PKNOX2: variants seen among roughly 807,000 people sequenced by gnomAD.
PKNOX2 encodes PBX/knotted 1 homeobox 2.
A neutral mutation model predicts 53.1 loss-of-function variants in PKNOX2; 14 were observed. The ratio of observed to expected loss-of-function variants is 0.26; its 90% CI spans 0.17 to 0.41. PKNOX2 has a LOEUF of 0.41. PKNOX2 is among the 10% of genes least tolerant of loss of function. PKNOX2 has a pLI of 1.00. For missense variants in PKNOX2, 496 were observed against 602.8 expected (o/e 0.82, Z 1.85); for synonymous variants, 257 against 242.8 (o/e 1.06, Z -0.54).
chr11:125,343,284 C>T (rs571515901), intron 3 of PKNOX2, among the ~76,000 whole-genome samples: 15 of 152,302 alleles, frequency 9.8e-5, no homozygotes, highest in African/African-American at 3.1e-4. Context: ...CAGGACCCAC[C>T]GCAGGTCACT....
At position 125,423,368 on chromosome 11, in the gene PKNOX2, C is replaced by G. The variant is rs542738884; in HGVS notation, c.937-5644C>G. ...CCCCCTTTTTCTCTTCCACATCCTC[C>G]CTGAATATACGTTCAACAATAATTG... On this transcript the variant is annotated intron_variant, in intron 10 of 12. Transcript: ENST00000298282. Among the ~76,000 whole-genome samples, 21 of 152,232 alleles carry G rather than the reference C, an allele frequency of 1.4e-4. No individual in the cohort carries two copies. The South Asian group carries it at 4.2e-3, about 30-fold the overall frequency.
chr11:125,336,270 A>G (rs1281229931), intron 3 of PKNOX2, among the ~76,000 whole-genome samples: 1 of 152,150 alleles, frequency 6.6e-6, no homozygotes, highest in East Asian at 1.9e-4. Flanking sequence ...AGTCAACCAC[A>G]ACAGCTTCTG....
intron 1 of PKNOX2, among the ~76,000 whole-genome samples, chr11:125,189,381 ATG>A (rs1555111567): frequency 7.5e-6 from 1 of 133,730 alleles, no homozygotes; most frequent in African/African-American, 2.8e-5. Flanking sequence ...ATATATATAT[ATG>A]TGTGTATATA....
chr11:125,410,432 C>A, intron 8 of PKNOX2, 107 bp downstream of exon 8: 1 of 1,447,830 alleles, frequency 6.9e-7, no homozygotes, highest in African/African-American at 1.4e-5. Flanking sequence ...GAGGGAGGGG[C>A]TCCCAGCTCA....
intron 2 of PKNOX2, among the ~76,000 whole-genome samples, chr11:125,266,474 G>A (rs1221948440): frequency 6.6e-6 from 1 of 152,190 alleles, no homozygotes; most frequent in Non-Finnish European, 1.5e-5. Flanking sequence ...AGACAGCCCT[G>A]CTTTTCTGAA....
At chr11:125,194,370 C>T (rs138780936) in intron 1 of PKNOX2, among the ~76,000 whole-genome samples, 139 of 152,296 alleles carry the variant, frequency 9.1e-4, no homozygotes, top group Middle Eastern at 3.4e-3. Flanking sequence ...GATAACACAG[C>T]GAGTCTTTTC....
At chr11:125,411,502 CT>C (rs1591562646) in intron 9 of PKNOX2, 67 of 467,212 alleles carry the variant, frequency 1.4e-4, no homozygotes, top group South Asian at 5.1e-4. Flanking sequence ...CTCTCTCTCT[CT>C]CTCTCTCCCC....
intron 3 of PKNOX2, among the ~76,000 whole-genome samples, chr11:125,348,735 T>C (rs904185770): frequency 6.6e-6 from 1 of 152,200 alleles, no homozygotes; most frequent in Non-Finnish European, 1.5e-5. Flanking sequence ...AACAAAAGAA[T>C]GTGAATGAAA....
At chr11:125,386,866 CAGGA>C (rs768794032) in intron 6 of PKNOX2, among the ~76,000 whole-genome samples, 7,212 of 152,138 alleles carry the variant, frequency 0.047, 213 homozygotes, top group Middle Eastern at 0.065. Flanking sequence ...GAAGAGCTGC[CAGGA>C]GAGCCCACCC....
chr11:125,173,645 G>A (rs1290403790), intron 1 of PKNOX2, among the ~76,000 whole-genome samples: 1 of 152,240 alleles, frequency 6.6e-6, no homozygotes, highest in Non-Finnish European at 1.5e-5. Context: ...TCAGTCTCAG[G>A]TGGGGCTGGG....
At chr11:125,409,156 A>G (rs1398008292) in intron 7 of PKNOX2, among the ~76,000 whole-genome samples, 1 of 152,112 alleles carries the variant, frequency 6.6e-6, no homozygotes, top group Non-Finnish European at 1.5e-5. Flanking sequence ...CTCCGAACCT[A>G]GAGACCCTAA....
chr11:125,230,867 C>G (rs961913866), intron 1 of PKNOX2, among the ~76,000 whole-genome samples: 9 of 152,112 alleles, frequency 5.9e-5, no homozygotes, highest in Non-Finnish European at 1.0e-4. Flanking sequence ...AATTGAGGTT[C>G]ATAGAAGCTA....
intron 10 of PKNOX2, 91 bp downstream of exon 10, chr11:125,411,956 C>T: frequency 6.3e-7 from 1 of 1,577,404 alleles, no homozygotes; most frequent in Non-Finnish European, 8.6e-7. Flanking sequence ...CGGCTCCAAA[C>T]CCACAGACAG....
intron 3 of PKNOX2, among the ~76,000 whole-genome samples, chr11:125,342,431 C>A (rs766584727): frequency 6.6e-6 from 1 of 152,170 alleles, no homozygotes; most frequent in Admixed American, 6.5e-5. Flanking sequence ...TCCTCCTCCC[C>A]CCAGCTCCCA....
chr11:125,192,217 AC>A (rs1185491779), intron 1 of PKNOX2, among the ~76,000 whole-genome samples: 1 of 152,124 alleles, frequency 6.6e-6, no homozygotes, highest in Non-Finnish European at 1.5e-5. Flanking sequence ...GGAAATTCAT[AC>A]ATCTCACTGA....
chr11:125,355,905 G>A (rs1262016789), intron 4 of PKNOX2, among the ~76,000 whole-genome samples: 1 of 151,848 alleles, frequency 6.6e-6, no homozygotes, highest in Admixed American at 6.6e-5. Context: ...AACATCACCC[G>A]CCAAGCGAAG....
At position 125,166,269 on chromosome 11, in the gene PKNOX2, G is replaced by A. The variant is rs373862105; in HGVS notation, c.-201+1493G>A. ...TTGGAATTTGGGGAGGGTAGCACGA[G>A]GGGTCCTGCAGCTCCGCGTGTGAAA... is the stretch of plus-strand genomic sequence containing the variant. On this transcript the variant is annotated intron_variant, in intron 1 of 12. Coordinates refer to ENST00000298282, the MANE Select transcript of PKNOX2 (RefSeq NM_001382323.2). The surrounding 1 kb of genome is among the most constrained non-coding windows in gnomAD (Gnocchi z 4.0). Among the ~76,000 whole-genome samples the A allele has an allele frequency of 6.6e-6, 1 of 152,162 alleles. No homozygotes were observed. The highest frequency in any genetic ancestry group is 1.9e-4 in the East Asian group (1 of 5,190).
At chr11:125,325,701 G>A (rs550136094) in intron 2 of PKNOX2, among the ~76,000 whole-genome samples, 1 of 152,178 alleles carries the variant, frequency 6.6e-6, no homozygotes. Context: ...ATCCCAGGAA[G>A]CATCCTGTGA....
intron 2 of PKNOX2, among the ~76,000 whole-genome samples, chr11:125,264,478 A>C (rs1565483074): frequency 6.6e-6 from 1 of 152,090 alleles, no homozygotes; most frequent in African/African-American, 2.4e-5. Flanking sequence ...TTTAGGCCTA[A>C]TAACTGCAGG....
Sources: allele counts gnomAD v4.1 joint callset (sites outside exome capture counted in the v4.1 genomes callset), GRCh38; gene constraint gnomAD v4.1.1; non-coding constraint Gnocchi (gnomAD v3.1); transcripts MANE v1.5; gene names NCBI Gene and HGNC (gene_info 2026-07-23, HGNC 2026-07-21).